Variants in PREX1 observed in about 807,000 individuals in gnomAD.
PREX1 encodes phosphatidylinositol-3,4,5-trisphosphate dependent Rac exchange factor 1, also known as phosphatidylinositol 3,4,5-trisphosphate-dependent Rac exchanger 1 protein.
In PREX1, 41 loss-of-function variants were observed where a neutral mutation model predicts 198.3. That is an observed-to-expected ratio of 0.21 (90% CI 0.16 to 0.27). The LOEUF is 0.27. Ranked by LOEUF, PREX1 falls within the 10% of genes least tolerant of loss-of-function variation. The pLI is 1.00. For missense variants in PREX1, 1,620 were observed against 2,200.7 expected, an observed-to-expected ratio of 0.74 and a Z score of 5.28; for synonymous variants, 843 against 887.2, an observed-to-expected ratio of 0.95 and a Z score of 0.89.
chr20:48,884,137 T>TAAAA, the PREX1 span, among the ~76,000 whole-genome samples: 17 of 118,926 alleles, frequency 1.4e-4, no homozygotes, highest in Non-Finnish European at 2.4e-4. Context: ...AAACTCCGTC[T>TAAAA]AAAAAAAAAA....
Position 48,676,223 on chromosome 20 carries a change from C to T in PREX1, c.1635G>A (p.Gly545=), listed in dbSNP as rs141743214. 8.1e-4 allele frequency: 1,307 copies of T among 1,614,078 alleles called. 6 individuals carry two copies. Among genetic ancestry groups the T allele is most frequent in the South Asian group, 2.7e-3 (245 of 91,076 alleles). The change falls in exon 14 of 40, where the codon GGG becomes GGA. Residue 545 remains glycine, a synonymous_variant. Coordinates refer to ENST00000371941, the MANE Select transcript of PREX1 (RefSeq NM_020820.4). ...HLKTYKSVLP[G]SKLVDWLLAQ... is the part of the protein sequence containing the mutation. ...CCAGCAGCCAGTCCACCAGCTTGCT[C>T]CCGGGAAGCACTGACTTGTAGGTCT... is the stretch of plus-strand genomic sequence containing the variant.
At chr20:48,865,657 T>A in the PREX1 span, among the ~76,000 whole-genome samples, 32 of 152,330 alleles carry the variant, frequency 2.1e-4, no homozygotes, top group African/African-American at 7.0e-4. Flanking sequence ...TCCCTTGCTG[T>A]GCAATGAAGA....
Position 48,691,803 on chromosome 20 carries a change from G to A in PREX1, c.1037-707C>T, listed in dbSNP as rs1474882153. The stretch of plus-strand genomic sequence containing the variant: ...CACTCTGCAGCAATGGAAACCAACA[G>A]GCTGCAAACAGCTACATGCAGAGAC... On this transcript the variant is annotated intron_variant, in intron 8 of 39. Coordinates refer to ENST00000371941, the MANE Select transcript of PREX1 (RefSeq NM_020820.4). The surrounding 1 kb of genome is among the most constrained non-coding windows in gnomAD (Gnocchi z 5.0). Among the ~76,000 whole-genome samples the A allele has an allele frequency of 2.0e-5, 3 of 152,202 alleles. No homozygotes were observed. Among genetic ancestry groups the A allele is most frequent in the Non-Finnish European group, 2.9e-5 (2 of 68,040 alleles).
intron 17 of PREX1, among the ~76,000 whole-genome samples, chr20:48,657,886 C>A (rs1419073166): frequency 5.3e-5 from 8 of 152,244 alleles, no homozygotes; most frequent in Admixed American, 5.2e-4. Flanking sequence ...TACCTCCCCA[C>A]AATGTCCAGC....
the PREX1 span, among the ~76,000 whole-genome samples, chr20:48,856,532 G>T: frequency 6.6e-6 from 1 of 152,226 alleles, no homozygotes; most frequent in Non-Finnish European, 1.5e-5. Context: ...CACGTTGCAA[G>T]TTCCTGCCAG....
chr20:48,715,577 C>T (rs894920141), intron 5 of PREX1, among the ~76,000 whole-genome samples: 5 of 152,134 alleles, frequency 3.3e-5, no homozygotes, highest in Admixed American at 1.3e-4. Context: ...GTGTGTGCAT[C>T]TGTGAAGGAG....
chr20:48,663,225 C>A (rs1434944344), intron 15 of PREX1, among the ~76,000 whole-genome samples: 1 of 152,190 alleles, frequency 6.6e-6, no homozygotes, highest in East Asian at 1.9e-4. Flanking sequence ...CCCAGAGAGG[C>A]ATATGGGCCT....
At chr20:48,801,811 A>G (rs974762870) in intron 1 of PREX1, among the ~76,000 whole-genome samples, 1 of 151,978 alleles carries the variant, frequency 6.6e-6, no homozygotes, top group African/African-American at 2.4e-5. Context: ...ATGGAGGCGG[A>G]CCCCTCATGA....
chr20:48,692,015 C>T (rs889655653), intron 8 of PREX1, among the ~76,000 whole-genome samples: 1 of 152,146 alleles, frequency 6.6e-6, no homozygotes, highest in Non-Finnish European at 1.5e-5. Flanking sequence ...TCAGCCTCCA[C>T]AGTAGCTGGG....
intron 1 of PREX1, among the ~76,000 whole-genome samples, chr20:48,806,458 C>A (rs2090412286): frequency 6.6e-6 from 1 of 152,144 alleles, no homozygotes; most frequent in Non-Finnish European, 1.5e-5. Context: ...AGACTTGGTT[C>A]ATTATTATTA....
At position 48,645,991 on chromosome 20, in the gene PREX1, G is replaced by C. The variant is rs530440472; in HGVS notation, c.3372C>G (p.Ala1124=). Residue 1124 remains alanine (A), a synonymous_variant, in exon 26 of 40, where the codon GCC becomes GCG. Coordinates refer to ENST00000371941, the MANE Select transcript of PREX1 (RefSeq NM_020820.4). ...CTTCACTGACCAGGGGCAGGGAGGAGGCCTCCTCAGCCAAGGATGCGTCGC... is the reference window on the plus strand; with the variant it reads ...CTTCACTGACCAGGGGCAGGGAGGACGCCTCCTCAGCCAAGGATGCGTCGC... The part of the protein sequence containing the change: ...GSCDASLAEE[A]SSLPLVSEES... The C allele has an allele frequency of 6.2e-7, 1 of 1,614,224 alleles. No individual in the cohort carries two copies. The highest frequency in any genetic ancestry group is 1.3e-5 in the African/African-American group (1 of 75,060).
rs1050915587 is a variant in PREX1 at position 48,827,923 on chromosome 20, G to A, written c.-63C>T. The stretch of plus-strand genomic sequence containing the variant: ...GCCGAGCGGCAACTCAGGCGTCCAG[G>A]CGCCCCATCCCGGACGGGGCGCGCC... On this transcript the variant is annotated 5_prime_UTR_variant, in exon 1 of 40. Transcript: ENST00000371941. The surrounding 1 kb of genome is among the most constrained non-coding windows in gnomAD (Gnocchi z 4.1). The A allele has an allele frequency of 6.4e-5, 46 of 713,476 alleles. No individual in the cohort carries two copies. In the African/African-American group the frequency reaches 7.1e-4, roughly 11 times the overall value. 44.2% of individuals were successfully genotyped at this position (713,476 alleles called of 1,614,324 possible).
chr20:48,756,685 G>A (rs1044863217), intron 1 of PREX1, among the ~76,000 whole-genome samples: 6 of 152,076 alleles, frequency 3.9e-5, no homozygotes, highest in South Asian at 2.1e-4. Flanking sequence ...CATCCACCCC[G>A]GGGCCTTTGT....
intron 1 of PREX1, among the ~76,000 whole-genome samples, chr20:48,767,739 GGTCACCCCA>G (rs1338961697): frequency 6.6e-6 from 1 of 151,952 alleles, no homozygotes; most frequent in African/African-American, 2.4e-5. Flanking sequence ...GCCCTTCCTA[GGTCACCCCA>G]GGCTTTTTCT....
the PREX1 span, among the ~76,000 whole-genome samples, chr20:48,840,365 A>G: frequency 6.6e-6 from 1 of 151,736 alleles, no homozygotes; most frequent in Non-Finnish European, 1.5e-5. Context: ...GAAAAAAAAA[A>G]GCATATTCTA....
chr20:48,664,681 A>G (rs1245766953), intron 15 of PREX1, among the ~76,000 whole-genome samples: 1 of 152,254 alleles, frequency 6.6e-6, no homozygotes, highest in African/African-American at 2.4e-5. Context: ...GCTACATAGC[A>G]CAGTAGTTGA....
At position 48,827,824 on chromosome 20, in the gene PREX1, C is replaced by G. The variant is rs1359283707; in HGVS notation, c.37G>C (p.Gly13Arg). ...APSGSEPGGD[G>R]AGDCAHPDPR... ...TCCGGGTGGGCGCAGTCCCCGGCCC[C>G]GTCGCCGCCGGGCTCGCTGCCGCTG... The change falls in exon 1 of 40, where the codon GGG becomes CGG. Residue 13 changes from glycine to arginine, a missense_variant. This residue lies in a region of PREX1 where 96 missense variants were observed against 98.7 expected (regional missense o/e 0.97). Coordinates refer to ENST00000371941, the MANE Select transcript of PREX1 (RefSeq NM_020820.4). The surrounding 1 kb of genome is among the most constrained non-coding windows in gnomAD (Gnocchi z 4.1). 1.0e-6 allele frequency: 1 copy of G among 977,582 alleles called. No homozygotes were observed. Among genetic ancestry groups the G allele is most frequent in the Non-Finnish European group, 1.2e-6 (1 of 819,056 alleles). 60.6% of individuals were successfully genotyped at this position (977,582 alleles called of 1,614,324 possible).
At chr20:48,701,720 C>T (rs2089875624) in intron 6 of PREX1, among the ~76,000 whole-genome samples, 6 of 152,152 alleles carry the variant, frequency 3.9e-5, no homozygotes, top group Admixed American at 2.6e-4. Context: ...TGCAAACCAT[C>T]GGGGGCAGGA....
At chr20:48,818,573 G>C (rs1010263354) in intron 1 of PREX1, among the ~76,000 whole-genome samples, 1 of 152,218 alleles carries the variant, frequency 6.6e-6, no homozygotes, top group Non-Finnish European at 1.5e-5. Flanking sequence ...GGCCATTCCC[G>C]GCTGCGCGTC....
Sources: allele counts gnomAD v4.1 joint callset (sites outside exome capture counted in the v4.1 genomes callset), GRCh38; gene constraint gnomAD v4.1.1; regional missense constraint gnomAD v4.1.1; non-coding constraint Gnocchi (gnomAD v3.1); transcripts MANE v1.5; gene names NCBI Gene and HGNC (gene_info 2026-07-23, HGNC 2026-07-21).